Variants in RNF32 observed in about 807,000 individuals in gnomAD.
The protein encoded by RNF32 is ring finger protein 32.
Under a neutral mutation model 41.0 loss-of-function variants are expected in RNF32, and 36 were observed. The observed-to-expected ratio is 0.88, with a 90% CI of 0.67 to 1.16. RNF32 has a LOEUF of 1.16. Ranked by LOEUF, RNF32 falls within the 50% of genes most tolerant of loss-of-function variation. The pLI, the probability that RNF32 is intolerant of heterozygous loss-of-function variation, is 0.00. For missense variants in RNF32, 413 were observed against 436.7 expected, an observed-to-expected ratio of 0.95 and a Z score of 0.48; for synonymous variants, 154 against 160.9, an observed-to-expected ratio of 0.96 and a Z score of 0.32.
At chr7:156,656,857 T>C (rs73741299) in intron 4 of RNF32, among the ~76,000 whole-genome samples, 4,088 of 152,348 alleles carry the variant, frequency 0.027, 177 homozygotes, top group East Asian at 0.12. Flanking sequence ...CTGGCCTTTG[T>C]GTGGCAGCCC....
chr7:156,648,985 A>C (rs1798341570), intron 3 of RNF32, among the ~76,000 whole-genome samples: 1 of 152,078 alleles, frequency 6.6e-6, no homozygotes. Context: ...TACCTTTCAC[A>C]TTTAGATGTC....
At position 156,640,808 on chromosome 7, in the gene RNF32, C is replaced by G. The variant is rs1797180284; in HGVS notation, c.-81C>G. ...TGGGTTCCGGTGTTCGCGGAGGAGT[C>G]GAGGCACGGAGAGGCTTCGGGGGAG... On this transcript the variant is annotated 5_prime_UTR_variant, in exon 1 of 9. Coordinates refer to ENST00000317955, the MANE Select transcript of RNF32 (RefSeq NM_030936.4). The G allele has an allele frequency of 4.5e-6, 1 of 220,662 alleles. No individual in the cohort carries two copies. Among genetic ancestry groups the G allele is most frequent in the Admixed American group, 6.3e-5 (1 of 15,838 alleles). The allele number at this position is 220,662 out of a possible 1,614,324, so 13.7% of individuals were successfully genotyped here. A position where few individuals can be genotyped will look rare whatever the true frequency, so the allele number is the denominator to read the frequency against.
intron 7 of RNF32, among the ~76,000 whole-genome samples, chr7:156,672,467 C>T (rs956059830): frequency 1.3e-5 from 2 of 152,144 alleles, no homozygotes; most frequent in African/African-American, 4.8e-5. Flanking sequence ...ATCAATAGGG[C>T]CACTTAGGAG....
At chr7:156,640,522 C>A, upstream of RNF32, 1 of 361,696 alleles carries the variant, frequency 2.8e-6, no homozygotes. Context: ...GCGCGAGCCT[C>A]GACGGGAACG....
rs987256268 is a variant in RNF32, at chr7:156,676,927, T to C, written c.*272T>C. On this transcript the variant is annotated 3_prime_UTR_variant, in exon 9 of 9. Coordinates refer to ENST00000317955, the MANE Select transcript of RNF32 (RefSeq NM_030936.4). ...TGAGAGCTTGCTTACTTCTAAAAAT[T>C]GAGGTTAAGATATAGCTAGTGTCTG... The C allele has an allele frequency of 5.1e-6, 2 of 393,612 alleles. No individual in the cohort carries two copies. The highest frequency in any genetic ancestry group is 2.0e-5 in the African/African-American group (1 of 49,720). 24.4% of individuals were successfully genotyped at this position (393,612 alleles called of 1,614,324 possible).
chr7:156,662,804 C>T (rs1800829240), intron 7 of RNF32, among the ~76,000 whole-genome samples: 1 of 151,470 alleles, frequency 6.6e-6, no homozygotes, highest in Non-Finnish European at 1.5e-5. Context: ...ATGAGCATCT[C>T]CGTTTTTACT....
chr7:156,676,813 T>C lies in RNF32; in HGVS notation c.*158T>C, dbSNP rs1804143801. ...GGAAATCTTAGTATATTTTAAAAGCTGACATCCCACCTAATTTTAATCTTT... is the reference window on the plus strand; with the variant it reads ...GGAAATCTTAGTATATTTTAAAAGCCGACATCCCACCTAATTTTAATCTTT... On this transcript the variant is annotated 3_prime_UTR_variant, in exon 9 of 9. Coordinates refer to ENST00000317955, the MANE Select transcript of RNF32 (RefSeq NM_030936.4). 2 of 606,912 alleles carry C rather than the reference T, an allele frequency of 3.3e-6. No homozygotes were observed. Among genetic ancestry groups the C allele is most frequent in the Non-Finnish European group, 5.8e-6 (2 of 347,760 alleles). The allele number at this position is 606,912 out of a possible 1,614,324, so 37.6% of individuals were successfully genotyped here. A position where few individuals can be genotyped will look rare whatever the true frequency, so the allele number is the denominator to read the frequency against.
At chr7:156,649,855 C>T (rs1409045198) in intron 3 of RNF32, among the ~76,000 whole-genome samples, 2 of 152,200 alleles carry the variant, frequency 1.3e-5, no homozygotes, top group African/African-American at 4.8e-5. Context: ...CATGGATTAC[C>T]CTGGACTATG....
At position 156,670,599 on chromosome 7, in the gene RNF32, C is replaced by G. The variant is rs575709634; in HGVS notation, c.685-5097C>G. Among the ~76,000 whole-genome samples the G allele has an allele frequency of 6.6e-6, 1 of 152,146 alleles. No individual in the cohort carries two copies. The highest frequency in any genetic ancestry group is 1.5e-5 in the Non-Finnish European group (1 of 68,038). ...TAGTGAGCCTGCAGAACACAAAGCACGGAGTCATCTTGGAAGTGGCCAGGA... is the reference window on the plus strand; with the variant it reads ...TAGTGAGCCTGCAGAACACAAAGCAGGGAGTCATCTTGGAAGTGGCCAGGA... On this transcript the variant is annotated intron_variant, in intron 7 of 8. Coordinates refer to ENST00000317955, the MANE Select transcript of RNF32 (RefSeq NM_030936.4). This position sits in a 1 kb window ranked among gnomAD's most constrained non-coding sequence, Gnocchi z 4.3.
intron 3 of RNF32, among the ~76,000 whole-genome samples, chr7:156,649,077 T>C (rs569610726): frequency 6.6e-6 from 1 of 152,360 alleles, no homozygotes; most frequent in East Asian, 1.9e-4. Flanking sequence ...AGGCTTCTGC[T>C]TCTATGTCAG....
At chr7:156,676,279 T>C (rs765817198) in intron 8 of RNF32, 140 bp from the exon 9 acceptor site, 2 of 1,564,062 alleles carry the variant, frequency 1.3e-6, no homozygotes, top group South Asian at 1.2e-5. Context: ...ATAAAATGCA[T>C]GTGATTTTAA....
chr7:156,658,976 C>A lies in RNF32; in HGVS notation c.684+406C>A, dbSNP rs911265422. On this transcript the variant is annotated intron_variant, in intron 7 of 8. Coordinates refer to ENST00000317955, the MANE Select transcript of RNF32 (RefSeq NM_030936.4). ...ATAGAAGCTGCCTATAAAAATAAAGCCCCCACATGCTACCATTGTATTGAG... is the reference window on the plus strand; with the variant it reads ...ATAGAAGCTGCCTATAAAAATAAAGACCCCACATGCTACCATTGTATTGAG... The A allele has an allele frequency of 8.6e-6, 13 of 1,508,826 alleles. No homozygotes were observed. The South Asian group carries it at 1.6e-4, about 18-fold the overall frequency. The allele number at this position is 1,508,826 out of a possible 1,614,324, so 93.5% of individuals were successfully genotyped here. A position where few individuals can be genotyped will look rare whatever the true frequency, so the allele number is the denominator to read the frequency against.
chr7:156,674,766 T>A (rs1041126182), intron 7 of RNF32, among the ~76,000 whole-genome samples: 1 of 152,228 alleles, frequency 6.6e-6, no homozygotes, highest in African/African-American at 2.4e-5. Context: ...TTGGGTCAGA[T>A]ACAATATTAA....
chr7:156,654,569 A>C lies in RNF32; in HGVS notation c.275-7A>C. On this transcript the variant is annotated splice_region_variant and splice_polypyrimidine_tract_variant and intron_variant, in intron 3 of 8. Transcript: ENST00000317955. The stretch of plus-strand genomic sequence containing the variant: ...TCTAACTCCTGTCCTGTGCTGTCTT[A>C]CTTTAGCACAGAAGTTGGGCCTCAT... The C allele has an allele frequency of 6.2e-7, 1 of 1,613,434 alleles. No homozygotes were observed. Among genetic ancestry groups the C allele is most frequent in the Non-Finnish European group, 8.5e-7 (1 of 1,179,416 alleles).
chr7:156,642,493 C>A (rs1248377783), intron 1 of RNF32, among the ~76,000 whole-genome samples: 1 of 152,264 alleles, frequency 6.6e-6, no homozygotes, highest in African/African-American at 2.4e-5. Context: ...ACAGGAGCCA[C>A]TTCTCAGCCC....
chr7:156,656,768 C>G (rs1184359419), intron 4 of RNF32, among the ~76,000 whole-genome samples: 1 of 152,242 alleles, frequency 6.6e-6, no homozygotes, highest in Non-Finnish European at 1.5e-5. Flanking sequence ...CCTGACCCCA[C>G]CGCTTTGCTC....
At chr7:156,654,779 AG>A in intron 4 of RNF32, 61 bp downstream of exon 4, 1 of 1,491,920 alleles carries the variant, frequency 6.7e-7, no homozygotes, top group Non-Finnish European at 9.2e-7. Context: ...GACGAGGCCC[AG>A]AGCTGGAGCC....
At chr7:156,655,820 G>T (rs1006510234) in intron 4 of RNF32, among the ~76,000 whole-genome samples, 1 of 152,014 alleles carries the variant, frequency 6.6e-6, no homozygotes. Context: ...TGTGAATAAA[G>T]CCAGAGGGTG....
intron 3 of RNF32, 94 bp from the exon 4 acceptor site, chr7:156,654,482 T>C: frequency 9.3e-7 from 1 of 1,074,340 alleles, no homozygotes; most frequent in Non-Finnish European, 1.3e-6. Context: ...TGTAGTTCTT[T>C]AATCTTTGTT....
Sources: allele counts gnomAD v4.1 joint callset (sites outside exome capture counted in the v4.1 genomes callset), GRCh38; gene constraint gnomAD v4.1.1; non-coding constraint Gnocchi (gnomAD v3.1); transcripts MANE v1.5; gene names NCBI Gene and HGNC (gene_info 2026-07-23, HGNC 2026-07-21).